The following PCDHGA5 variants were observed in gnomAD, a reference collection of about 807,000 sequenced individuals.
PCDHGA5 encodes protocadherin gamma subfamily A, 5, also known as protocadherin gamma-A5.
In PCDHGA5, 36 loss-of-function variants were observed where a neutral mutation model predicts 56.7. The observed-to-expected ratio is 0.64, with a 90% CI of 0.49 to 0.84. PCDHGA5 has a LOEUF of 0.84. Among genes scored for constraint, PCDHGA5 ranks in the 40% least tolerant of loss-of-function variants. The probability of loss-of-function intolerance (pLI) is 0.00; values close to 1 mark genes in which losing one functional copy is unlikely to be tolerated. For missense variants in PCDHGA5, 1,305 were observed against 1,201.5 expected (o/e 1.09, Z -1.27); for synonymous variants, 563 against 520.2 (o/e 1.08, Z -1.12).
chr5:141,466,683 A>G (rs1347308492), intron 1 of PCDHGA5, among the ~76,000 whole-genome samples: 1 of 152,170 alleles, frequency 6.6e-6, no homozygotes, highest in African/African-American at 2.4e-5. Context: ...CTTCCACTCA[A>G]GCTTCATCAT....
intron 1 of PCDHGA5, chr5:141,422,953 G>A: frequency 6.2e-7 from 1 of 1,614,232 alleles, no homozygotes; most frequent in Non-Finnish European, 8.5e-7. Context: ...CTCCACTGGC[G>A]TGGAGCTGGC....
At position 141,485,677 on chromosome 5, in the gene PCDHGA5, C is replaced by T. The variant is rs757797282; in HGVS notation, c.2422-9130C>T. ...CAGATGTGGGGAGCAATTCGATTAG[C>T]AGCTATAGGCTGAGCTCCAATGAAC... On this transcript the variant is annotated intron_variant, in intron 1 of 3. Transcript: ENST00000518069. This position sits in a 1 kb window ranked among gnomAD's most constrained non-coding sequence, Gnocchi z 5.7. 2.4e-5 allele frequency: 38 copies of T among 1,612,714 alleles called. No individual in the cohort carries two copies. In the East Asian group the frequency reaches 7.8e-4, roughly 33 times the overall value.
chr5:141,375,346 T>C, intron 1 of PCDHGA5: 1 of 1,613,870 alleles, frequency 6.2e-7, no homozygotes. Flanking sequence ...ACAACATCAC[T>C]GTGACAGCCA....
chr5:141,459,162 T>A (rs1408033955), intron 1 of PCDHGA5, among the ~76,000 whole-genome samples: 3 of 152,224 alleles, frequency 2.0e-5, no homozygotes, highest in African/African-American at 7.2e-5. Context: ...AACATTTCTA[T>A]AACCTTCAAA....
chr5:141,375,418 C>T, intron 1 of PCDHGA5: 2 of 1,613,972 alleles, frequency 1.2e-6, no homozygotes, highest in Non-Finnish European at 1.7e-6. Context: ...TGGCAGACAC[C>T]AACGACAACC....
intron 1 of PCDHGA5, chr5:141,389,283 GC>G (rs775524674): frequency 6.2e-7 from 1 of 1,614,022 alleles, no homozygotes; most frequent in South Asian, 1.1e-5. Context: ...CCCGCCTGGA[GC>G]CTCTATTTCA....
At chr5:141,375,308 G>T (rs761294258) in intron 1 of PCDHGA5, 24 of 1,613,722 alleles carry the variant, frequency 1.5e-5, no homozygotes, top group Non-Finnish European at 8.5e-7. Flanking sequence ...GACAAATGCA[G>T]CTCTAGACCG....
Position 141,366,133 on chromosome 5 carries a change from C to T in PCDHGA5, c.1803C>T (p.Asn601=), listed in dbSNP as rs777240886. 1.9e-6 allele frequency: 3 copies of T among 1,614,216 alleles called. No individual in the cohort carries two copies. Among genetic ancestry groups the T allele is most frequent in the Non-Finnish European group, 2.5e-6 (3 of 1,180,050 alleles). Residue 601 remains asparagine (N), a synonymous_variant, in exon 1 of 4, where the codon AAC becomes AAT. Coordinates refer to ENST00000518069, the MANE Select transcript of PCDHGA5 (RefSeq NM_018918.3). ...VVAVDKDSGQ[N]AWLSYRLLKA... ...CGGTGGACAAAGATTCAGGCCAGAA[C>T]GCCTGGCTGTCCTACCGCCTGCTTA...
Position 141,487,272 on chromosome 5 carries a change from T to C in PCDHGA5, c.2422-7535T>C. 6.2e-7 allele frequency: 1 copy of C among 1,614,148 alleles called. No homozygotes were observed. The highest frequency in any genetic ancestry group is 8.5e-7 in the Non-Finnish European group (1 of 1,180,036). Reference sequence around the variant, plus strand: ...TACTTGGCTGTGTCCCTAGTGGCAATTTGCTTTGTCTCCTTTGGCTCATTC... The same window carrying C: ...TACTTGGCTGTGTCCCTAGTGGCAACTTGCTTTGTCTCCTTTGGCTCATTC... On this transcript the variant is annotated intron_variant, in intron 1 of 3. Coordinates refer to ENST00000518069, the MANE Select transcript of PCDHGA5 (RefSeq NM_018918.3). This position sits in a 1 kb window ranked among gnomAD's most constrained non-coding sequence, Gnocchi z 5.0.
intron 1 of PCDHGA5, chr5:141,370,749 G>A (rs1232741185): frequency 6.2e-7 from 1 of 1,613,930 alleles, no homozygotes; most frequent in Non-Finnish European, 8.5e-7. Flanking sequence ...CTTTTTTCAT[G>A]TAACTGTGCT....
chr5:141,404,722 G>C (rs1335640902), intron 1 of PCDHGA5: 2 of 1,614,138 alleles, frequency 1.2e-6, no homozygotes, highest in South Asian at 1.1e-5. Flanking sequence ...TGGTGACCAA[G>C]GTGGTGGCAG....
At chr5:141,384,753 G>T (rs114533608) in intron 1 of PCDHGA5, 2 of 1,614,010 alleles carry the variant, frequency 1.2e-6, no homozygotes, top group African/African-American at 1.3e-5. Flanking sequence ...GACTCTTTGC[G>T]GTTGGGCTGT....
intron 1 of PCDHGA5, among the ~76,000 whole-genome samples, chr5:141,446,149 G>T (rs2098490670): frequency 6.6e-6 from 1 of 152,178 alleles, no homozygotes; most frequent in Non-Finnish European, 1.5e-5. Context: ...GGAATAGGTG[G>T]AATATAAATT....
chr5:141,421,895 G>A, intron 1 of PCDHGA5: 1 of 1,613,730 alleles, frequency 6.2e-7, no homozygotes, highest in African/African-American at 1.3e-5. Flanking sequence ...GATCCCATCC[G>A]AAAGGGCGCA....
At chr5:141,376,499 C>G (rs1320027285) in intron 1 of PCDHGA5, 3 of 1,614,146 alleles carry the variant, frequency 1.9e-6, no homozygotes, top group Admixed American at 1.7e-5. Flanking sequence ...AGAACCCAGG[C>G]AACTTCAGGT....
Position 141,432,038 on chromosome 5 carries a change from C to G in PCDHGA5, c.2422-62769C>G, listed in dbSNP as rs202246871. ...CAACATCACAGTGACCGCCACTGAC[C>G]GGGGAACCCCGCCCCTATCCACGGA... On this transcript the variant is annotated intron_variant, in intron 1 of 3. Transcript: ENST00000518069. This position sits in a 1 kb window ranked among gnomAD's most constrained non-coding sequence, Gnocchi z 6.0. 2 of 1,614,190 alleles carry G rather than the reference C, an allele frequency of 1.2e-6. No homozygotes were observed. The highest frequency in any genetic ancestry group is 8.5e-7 in the Non-Finnish European group (1 of 1,180,032).
intron 1 of PCDHGA5, chr5:141,428,501 C>A (rs970043746): frequency 8.4e-5 from 24 of 285,544 alleles, no homozygotes; most frequent in African/African-American, 3.9e-4. Context: ...TATGTTCCCT[C>A]GGATTCTAGA....
chr5:141,502,500 G>C (rs1398797155), intron 2 of PCDHGA5, among the ~76,000 whole-genome samples: 1 of 152,046 alleles, frequency 6.6e-6, no homozygotes, highest in Non-Finnish European at 1.5e-5. Flanking sequence ...ATCTAACGTC[G>C]GCCTGTCCCA....
At chr5:141,392,870 G>T (rs757363357) in intron 1 of PCDHGA5, 8 of 1,613,226 alleles carry the variant, frequency 5.0e-6, no homozygotes, top group Non-Finnish European at 6.8e-6. Context: ...TGTGCGCGCT[G>T]CTGGGAACGC....
Sources: gnomAD v4.1 joint callset for allele counts (sites outside exome capture counted in the v4.1 genomes callset) on GRCh38, gnomAD v4.1.1 for gene constraint, Gnocchi (gnomAD v3.1) non-coding constraint, MANE v1.5 for transcripts, NCBI Gene and HGNC (gene_info 2026-07-23, HGNC 2026-07-21) for gene names.